SUCLG2: variants seen among roughly 807,000 people sequenced by gnomAD.
SUCLG2 encodes succinate--CoA ligase [GDP-forming] subunit beta, mitochondrial.
Under a neutral mutation model 47.9 loss-of-function variants are expected in SUCLG2, and 42 were observed. The ratio of observed to expected loss-of-function variants is 0.88; its 90% confidence interval spans 0.69 to 1.14. The LOEUF is 1.14. SUCLG2 is among the 50% of genes most tolerant of loss of function. The pLI is 0.00. For synonymous variants in SUCLG2, 195 were observed against 197.3 expected (o/e 0.99, Z 0.10); for missense variants, 571 against 525.9 (o/e 1.09, Z -0.84).
Position 67,559,320 on chromosome 3 carries a change from T to C in SUCLG2, c.227-30134A>G, listed in dbSNP as rs145599518. Reference sequence around the variant, plus strand: ...ATACTACCTGAGACTGGGTAATTTATAAAGGAAAGAGGTTTAACTGACTCA... The same window carrying C: ...ATACTACCTGAGACTGGGTAATTTACAAAGGAAAGAGGTTTAACTGACTCA... On this transcript the variant is annotated intron_variant, in intron 2 of 10. Transcript: ENST00000307227. Among the ~76,000 whole-genome samples the C allele has an allele frequency of 2.9e-3, 439 of 152,258 alleles. 6 individuals are homozygous for C. Among genetic ancestry groups the C allele is most frequent in the African/African-American group, 9.9e-3 (410 of 41,548 alleles).
chr3:67,378,179 A>C (rs1279815241), intron 10 of SUCLG2, among the ~76,000 whole-genome samples: 1 of 152,210 alleles, frequency 6.6e-6, no homozygotes, highest in African/African-American at 2.4e-5. Flanking sequence ...AGCTTCTAAA[A>C]TGGTTTTCAA....
At position 67,452,858 on chromosome 3, in the gene SUCLG2, AT is replaced by A. The variant is rs1367539146; in HGVS notation, c.1062+42939del. On this transcript the variant is annotated intron_variant, in intron 9 of 10. Coordinates refer to ENST00000307227, the MANE Select transcript of SUCLG2 (RefSeq NM_003848.4). ...TTTACAAGTCATGAATACCATTTTA[AT>A]TTTGCAGATCTTGGTAACACATATA... is the stretch of plus-strand genomic sequence containing the variant. Among the ~76,000 whole-genome samples, 15 of 152,334 alleles carry A rather than the reference AT, an allele frequency of 9.8e-5. No individual in the cohort carries two copies. In the East Asian group the frequency reaches 2.9e-3, roughly 29 times the overall value.
chr3:67,569,123 C>T (rs961365562), intron 2 of SUCLG2, among the ~76,000 whole-genome samples: 5 of 152,168 alleles, frequency 3.3e-5, no homozygotes, highest in Admixed American at 1.3e-4. Flanking sequence ...AAAGCTAATG[C>T]ATTAATTCTC....
At chr3:67,410,461 GCA>G (rs1218197235) in intron 9 of SUCLG2, among the ~76,000 whole-genome samples, 1 of 151,652 alleles carries the variant, frequency 6.6e-6, no homozygotes, top group African/African-American at 2.4e-5. Context: ...GGACTGAAGG[GCA>G]CAGAGATTTG....
rs527248745 is a variant in SUCLG2 at position 67,381,009 on chromosome 3, G to A, written c.1184-5150C>T. Among the ~76,000 whole-genome samples, 103 of 151,952 alleles carry A rather than the reference G, an allele frequency of 6.8e-4. No homozygotes were observed. In the East Asian group the frequency reaches 0.019, roughly 28 times the overall value. ...CAACTGGAAGGGGAGGTGGGGACAC[G>A]CAGAGAAGAGGGATTAAAAGGAAAC... On this transcript the variant is annotated intron_variant, in intron 10 of 10. Coordinates refer to ENST00000307227, the MANE Select transcript of SUCLG2 (RefSeq NM_003848.4).
At chr3:67,606,210 G>GAAGTAAAAAATAAATAC (rs1700415599) in intron 2 of SUCLG2, among the ~76,000 whole-genome samples, 1 of 151,942 alleles carries the variant, frequency 6.6e-6, no homozygotes, top group Non-Finnish European at 1.5e-5. Context: ...GTCTCTAAAA[G>GAAGTAAAAAATAAATAC]AAGTAAAAAA....
chr3:67,471,872 C>T (rs1043500731), intron 9 of SUCLG2, among the ~76,000 whole-genome samples: 11 of 152,066 alleles, frequency 7.2e-5, no homozygotes, highest in Non-Finnish European at 1.6e-4. Flanking sequence ...GTAGTAGTTT[C>T]GTGAGAGGTG....
intron 10 of SUCLG2, among the ~76,000 whole-genome samples, chr3:67,389,737 C>T (rs1702338751): frequency 6.6e-6 from 1 of 151,742 alleles, no homozygotes; most frequent in Non-Finnish European, 1.5e-5. Context: ...CTTCATTTGT[C>T]TACAAGAACA....
chr3:67,625,580 G>A (rs1379279413), intron 1 of SUCLG2, among the ~76,000 whole-genome samples: 2 of 152,134 alleles, frequency 1.3e-5, no homozygotes, highest in Non-Finnish European at 2.9e-5. Context: ...CTCTAAAGGA[G>A]GACAGTCAGC....
At chr3:67,394,882 A>C (rs1702485766) in intron 10 of SUCLG2, among the ~76,000 whole-genome samples, 1 of 152,012 alleles carries the variant, frequency 6.6e-6, no homozygotes, top group African/African-American at 2.4e-5. Flanking sequence ...ATTCTTAAAG[A>C]AAAGAATTTT....
At chr3:67,589,237 C>G (rs62256409) in intron 2 of SUCLG2, among the ~76,000 whole-genome samples, 1 of 152,062 alleles carries the variant, frequency 6.6e-6, no homozygotes, top group Non-Finnish European at 1.5e-5. Flanking sequence ...ATTTTTCCAT[C>G]ACTATCTCAC....
At chr3:67,366,059 G>T (rs889330192) in intron 10 of SUCLG2, among the ~76,000 whole-genome samples, 2 of 152,050 alleles carry the variant, frequency 1.3e-5, no homozygotes, top group African/African-American at 4.8e-5. Flanking sequence ...CCTAAAACCT[G>T]CCCCTAAAGA....
chr3:67,389,828 T>C (rs1438018469), intron 10 of SUCLG2, among the ~76,000 whole-genome samples: 1 of 152,200 alleles, frequency 6.6e-6, no homozygotes, highest in South Asian at 2.1e-4. Context: ...GACATTACAC[T>C]ATACTCTGTT....
intron 1 of SUCLG2, among the ~76,000 whole-genome samples, chr3:67,615,406 A>T (rs6794625): frequency 6.6e-6 from 1 of 151,872 alleles, no homozygotes; most frequent in Non-Finnish European, 1.5e-5. Context: ...CACCCCTGAA[A>T]GGGAAAATCG....
chr3:67,410,347 T>C (rs2106834892), intron 9 of SUCLG2, among the ~76,000 whole-genome samples: 1 of 152,262 alleles, frequency 6.6e-6, no homozygotes, highest in Middle Eastern at 3.4e-3. Flanking sequence ...GACAGGGTAG[T>C]AGTGGTTAAG....
chr3:67,481,505 C>T (rs892259650), intron 9 of SUCLG2, among the ~76,000 whole-genome samples: 3 of 152,320 alleles, frequency 2.0e-5, no homozygotes, highest in Non-Finnish European at 1.5e-5. Flanking sequence ...CAAACTCTAA[C>T]GTGCACAGCA....
chr3:67,640,766 A>G (rs1244714709), intron 1 of SUCLG2, among the ~76,000 whole-genome samples: 1 of 151,938 alleles, frequency 6.6e-6, no homozygotes, highest in Admixed American at 6.6e-5. Flanking sequence ...TTTTATGTTC[A>G]TTATTGTTCA....
intron 9 of SUCLG2, among the ~76,000 whole-genome samples, chr3:67,403,304 C>G (rs528881907): frequency 6.6e-6 from 1 of 152,130 alleles, no homozygotes; most frequent in Non-Finnish European, 1.5e-5. Flanking sequence ...ATGCAACTCC[C>G]GTGTTTGGAT....
At chr3:67,595,620 A>G (rs1708275223) in intron 2 of SUCLG2, among the ~76,000 whole-genome samples, 1 of 152,210 alleles carries the variant, frequency 6.6e-6, no homozygotes, top group African/African-American at 2.4e-5. Context: ...AGCAAAGGCC[A>G]CTGACTGTTT....
Sources: gnomAD v4.1 joint callset for allele counts (sites outside exome capture counted in the v4.1 genomes callset) on GRCh38, gnomAD v4.1.1 for gene constraint, MANE v1.5 for transcripts, NCBI Gene and HGNC (gene_info 2026-07-23, HGNC 2026-07-21) for gene names.